Variants in FASTKD5 observed in about 807,000 individuals in gnomAD.
The protein encoded by FASTKD5 is non-canonical pre-mRNAs endonuclease FASTKD5, mitochondrial.
FASTKD5 carries 30 observed loss-of-function variants against 44.0 expected under a neutral mutation model. That is an observed-to-expected ratio of 0.68 (90% CI 0.51 to 0.93). FASTKD5 has a LOEUF of 0.93. Ranked by LOEUF, FASTKD5 falls within the 40% of genes least tolerant of loss-of-function variation. The probability of loss-of-function intolerance (pLI) is 0.00; values close to 1 mark genes in which losing one functional copy is unlikely to be tolerated. For missense variants in FASTKD5, 868 were observed against 908.2 expected, an observed-to-expected ratio of 0.96 and a Z score of 0.57; for synonymous variants, 335 against 342.2, an observed-to-expected ratio of 0.98 and a Z score of 0.23.
intron 1 of FASTKD5, among the ~76,000 whole-genome samples, chr20:3,156,173 CTTTT>C (rs761149925): frequency 7.7e-6 from 1 of 130,126 alleles, no homozygotes; most frequent in East Asian, 2.2e-4. Context: ...ACTTCTGACT[CTTTT>C]TTTTTTTTTT....
intron 1 of FASTKD5, among the ~76,000 whole-genome samples, chr20:3,155,345 C>T (rs113871277): frequency 0.043 from 6,527 of 152,240 alleles, 427 homozygotes; most frequent in African/African-American, 0.14. Context: ...GCCTGGCCAA[C>T]GTGGCGAAAC....
chr20:3,149,452 C>T lies in FASTKD5; in HGVS notation c.-190-192G>A, dbSNP rs1013222085. 6.6e-6 allele frequency among the ~76,000 whole-genome samples: 1 copy of T among 152,066 alleles called. No individual in the cohort carries two copies. The highest frequency in any genetic ancestry group is 6.6e-5 in the Admixed American group (1 of 15,242). Reference sequence around the variant, plus strand: ...TCTGTGTAAAGGCCTAGGAAAACCCCCAACCCAGGGTACCCGTGGGCAGTT... The same window carrying T: ...TCTGTGTAAAGGCCTAGGAAAACCCTCAACCCAGGGTACCCGTGGGCAGTT... On this transcript the variant is annotated intron_variant, in intron 1 of 1. Transcript: ENST00000380266. The surrounding 1 kb of genome is among the most constrained non-coding windows in gnomAD (Gnocchi z 4.1).
At chr20:3,158,620 G>A (rs1337673079) in intron 1 of FASTKD5, among the ~76,000 whole-genome samples, 2 of 150,920 alleles carry the variant, frequency 1.3e-5, no homozygotes, top group South Asian at 2.2e-4. Flanking sequence ...GACTACAGGC[G>A]CCCGCCACCA....
rs114807917 is a variant in FASTKD5, at chr20:3,148,342, C to T, written c.729G>A (p.Gln243=). The T allele has an allele frequency of 6.2e-7, 1 of 1,614,124 alleles. No homozygotes were observed. Among genetic ancestry groups the T allele is most frequent in the Admixed American group, 1.7e-5 (1 of 60,018 alleles). Residue 243 remains glutamine, a synonymous_variant, in exon 2 of 2, where the codon CAG becomes CAA. Coordinates refer to ENST00000380266, the MANE Select transcript of FASTKD5 (RefSeq NM_021826.5). ...TCCAGAGATCAGCCACCAAAAGGAG[C>T]TGATCCATATTCATCTCCCATACCT... The part of the protein sequence containing the change: ...CHQVWEMNMD[Q]LLLVADLWRY...
intron 1 of FASTKD5, chr20:3,150,842 T>C (rs2422858): frequency 0.76 from 115,799 of 152,164 alleles, 45,356 homozygotes; most frequent in East Asian, 0.99. Context: ...TTCTCTCACA[T>C]TAAATTTTTA....
chr20:3,146,731 A>G lies in FASTKD5; in HGVS notation c.*45T>C, dbSNP rs779762624. 2.6e-6 allele frequency: 4 copies of G among 1,560,488 alleles called. No homozygotes were observed. The highest frequency in any genetic ancestry group is 2.5e-5 in the South Asian group (2 of 81,614). ...ATAATCATTTTGCAACACCTGGTAC[A>G]GTATACACCTATAGCTTTGCCATAG... On this transcript the variant is annotated 3_prime_UTR_variant, in exon 2 of 2. Transcript: ENST00000380266.
Position 3,147,687 on chromosome 20 carries a change from T to A in FASTKD5, c.1384A>T (p.Met462Leu). The A allele has an allele frequency of 3.1e-6, 5 of 1,614,250 alleles. No homozygotes were observed. Among genetic ancestry groups the A allele is most frequent in the Non-Finnish European group, 4.2e-6 (5 of 1,180,056 alleles). The part of the protein sequence containing the change: ...SSLISEIHRK[M>L]PEFNQYPEHL... ...TCTGGGTACTGGTTGAATTCAGGCA[T>A]CTTTCTGTGAATCTCACTTATCAGG... The change falls in exon 2 of 2, where the codon ATG becomes TTG. Residue 462 changes from methionine to leucine, a missense_variant. Met to Leu is a conservative substitution (Grantham distance 15, BLOSUM62 2). Coordinates refer to ENST00000380266, the MANE Select transcript of FASTKD5 (RefSeq NM_021826.5).
At chr20:3,151,711 TTTTC>T (rs1429897707) in intron 1 of FASTKD5, 1 of 151,978 alleles carries the variant, frequency 6.6e-6, no homozygotes, top group Non-Finnish European at 1.5e-5. Flanking sequence ...AAAATAATGT[TTTTC>T]TTTAATATTT....
Position 3,147,923 on chromosome 20 carries a change from TGAG to T in FASTKD5, c.1145_1147del (p.Pro382del). ...TTGAACTCCCAGGGAAGGAATTCGC[TGAG>T]GAGCTATCTCTCCAATCTGCTTCAT... On this transcript the variant is annotated inframe_deletion, in exon 2 of 2. Coordinates refer to ENST00000380266, the MANE Select transcript of FASTKD5 (RefSeq NM_021826.5). 1 of 1,614,230 alleles carries T rather than the reference TGAG, an allele frequency of 6.2e-7. No individual in the cohort carries two copies. Among genetic ancestry groups the T allele is most frequent in the Non-Finnish European group, 8.5e-7 (1 of 1,180,036 alleles).
rs2066601214 is a variant in FASTKD5 at position 3,149,290 on chromosome 20, G to A, written c.-190-30C>T. On this transcript the variant is annotated intron_variant, in intron 1 of 1. Coordinates refer to ENST00000380266, the MANE Select transcript of FASTKD5 (RefSeq NM_021826.5). This position sits in a 1 kb window ranked among gnomAD's most constrained non-coding sequence, Gnocchi z 4.1. ...AAAAAGGGTAGATGAAGAATGAGTG[G>A]CTTCTACCTATAAAAGCATCCAAAT... 3.7e-6 allele frequency: 2 copies of A among 544,900 alleles called. No individual in the cohort carries two copies. Among genetic ancestry groups the A allele is most frequent in the Non-Finnish European group, 3.3e-6 (1 of 306,020 alleles). The allele number at this position is 544,900 out of a possible 1,614,324, so 33.8% of individuals were successfully genotyped here. A position where few individuals can be genotyped will look rare whatever the true frequency, so the allele number is the denominator to read the frequency against.
chr20:3,147,780 C>T lies in FASTKD5; in HGVS notation c.1291G>A (p.Ala431Thr). The stretch of plus-strand genomic sequence containing the variant: ...GTTCCAAATGACCACAGAATCTTGG[C>T]AACATCTTTACTTCGACAGTGTGCC... The part of the protein sequence containing the change: ...RVAHCRSKDV[A>T]KILWSFGTLN... The change falls in exon 2 of 2, where the codon GCC becomes ACC. Residue 431 changes from alanine (A) to threonine (T), a missense_variant. Transcript: ENST00000380266. 2 of 1,614,170 alleles carry T rather than the reference C, an allele frequency of 1.2e-6. No individual in the cohort carries two copies. Among genetic ancestry groups the T allele is most frequent in the Non-Finnish European group, 1.7e-6 (2 of 1,180,032 alleles).
In FASTKD5 at chr20:3,146,804, T is replaced by C; in HGVS notation, c.2267A>G (p.His756Arg). The C allele has an allele frequency of 6.2e-7, 1 of 1,614,112 alleles. No individual in the cohort carries two copies. Among genetic ancestry groups the C allele is most frequent in the Non-Finnish European group, 8.5e-7 (1 of 1,179,970 alleles). The change falls in exon 2 of 2, where the codon CAT (histidine) becomes CGT (arginine). Residue 756 changes from histidine (H) to arginine (R), a missense_variant. Transcript: ENST00000380266. ...GAGAGCAGAGGTGAATACTTTCTCA[T>C]GAAGAAACGCCAACTTTTCTAAGCG... ...RTRLEKLAFL[H>R]EKVFTSAL
In FASTKD5 at chr20:3,146,750, G is replaced by C. The variant is rs768428478; in HGVS notation, c.*26C>G. 1 of 1,599,716 alleles carries C rather than the reference G, an allele frequency of 6.3e-7. No homozygotes were observed. Among genetic ancestry groups the C allele is most frequent in the Admixed American group, 1.7e-5 (1 of 58,564 alleles). The stretch of plus-strand genomic sequence containing the variant: ...TGGTACAGTATACACCTATAGCTTT[G>C]CCATAGAAATGCCCCTAAATGCCCT... On this transcript the variant is annotated 3_prime_UTR_variant, in exon 2 of 2. Transcript: ENST00000380266.
At position 3,147,080 on chromosome 20, in the gene FASTKD5, G is replaced by A. The variant is rs763501228; in HGVS notation, c.1991C>T (p.Pro664Leu). The A allele has an allele frequency of 1.2e-6, 2 of 1,614,128 alleles. No individual in the cohort carries two copies. The highest frequency in any genetic ancestry group is 1.7e-6 in the Non-Finnish European group (2 of 1,180,044). ...PMELENKAAV[P>L]LGGFLCNVAD... The stretch of plus-strand genomic sequence containing the variant: ...TACATTGCAAAGGAAGCCCCCCAGA[G>A]GTACAGCTGCCTTATTCTCCAACTC... The change falls in exon 2 of 2, where the codon CCT (proline) becomes CTT (leucine). Residue 664 changes from proline (P) to leucine (L), a missense_variant. By Grantham distance (98) the Pro-to-Leu change is moderately conservative (BLOSUM62 -3). Coordinates refer to ENST00000380266, the MANE Select transcript of FASTKD5 (RefSeq NM_021826.5).
In FASTKD5 at chr20:3,148,150, A is replaced by G. The variant is rs746509692; in HGVS notation, c.921T>C (p.Leu307=). 1 of 1,613,850 alleles carries G rather than the reference A, an allele frequency of 6.2e-7. No individual in the cohort carries two copies. Among genetic ancestry groups the G allele is most frequent in the South Asian group, 1.1e-5 (1 of 91,036 alleles). Residue 307 remains leucine, a synonymous_variant, in exon 2 of 2, where the codon CTT becomes CTC. Transcript: ENST00000380266. ...DLMQKLESLI[L]KYIDLINLEE... ...CCAAATTGATCAAATCTATATATTT[A>G]AGGATCAATGATTCCAATTTTTGCA...
chr20:3,157,994 C>T (rs549909732), intron 1 of FASTKD5, among the ~76,000 whole-genome samples: 3 of 152,194 alleles, frequency 2.0e-5, no homozygotes, highest in African/African-American at 7.2e-5. Flanking sequence ...CACTGCCCCC[C>T]ACCTCTCACC....
In FASTKD5 at chr20:3,148,885, G is replaced by C. The variant is rs2066596482; in HGVS notation, c.186C>G (p.Thr62=). Residue 62 remains threonine, a synonymous_variant, in exon 2 of 2, where the codon ACC becomes ACG. Coordinates refer to ENST00000380266, the MANE Select transcript of FASTKD5 (RefSeq NM_021826.5). ...TTGTCAGGATTCTCCGAGAAGAGAA[G>C]GTGCTACATATGTTCTTAACTTTTT... is the stretch of plus-strand genomic sequence containing the variant. The part of the protein sequence containing the change: ...SAKKVKNICS[T]FSSRRILTTS... 1.2e-6 allele frequency: 2 copies of C among 1,614,200 alleles called. No homozygotes were observed. Among genetic ancestry groups the C allele is most frequent in the Non-Finnish European group, 8.5e-7 (1 of 1,180,048 alleles).
intron 1 of FASTKD5, among the ~76,000 whole-genome samples, chr20:3,153,702 T>C (rs75284918): frequency 0.019 from 2,849 of 152,308 alleles, 34 homozygotes; most frequent in Middle Eastern, 0.071. Flanking sequence ...TGAAAGTCCC[T>C]TCCACCTCTA....
chr20:3,155,509 C>T (rs2066674853), intron 1 of FASTKD5, among the ~76,000 whole-genome samples: 1 of 151,466 alleles, frequency 6.6e-6, no homozygotes, highest in African/African-American at 2.4e-5. Context: ...CCAGTCTGGG[C>T]AACAGAGCGA....
Sources: allele counts gnomAD v4.1 joint callset (sites outside exome capture counted in the v4.1 genomes callset), GRCh38; gene constraint gnomAD v4.1.1; non-coding constraint Gnocchi (gnomAD v3.1); transcripts MANE v1.5; gene names NCBI Gene and HGNC (gene_info 2026-07-23, HGNC 2026-07-21).